Variants in RMC1 observed in about 807,000 individuals in gnomAD.
RMC1 encodes the protein regulator of MON1-CCZ1, also known as regulator of MON1-CCZ1 complex.
RMC1 carries 44 observed loss-of-function variants against 95.5 expected under a neutral mutation model. The observed-to-expected ratio is 0.46, with a 90% CI of 0.36 to 0.59. The LOEUF is 0.59. Ranked by LOEUF, RMC1 falls within the 20% of genes least tolerant of loss-of-function variation. The pLI, the probability that RMC1 is intolerant of heterozygous loss-of-function variation, is 0.00. For missense variants in RMC1, 705 were observed against 819.6 expected, an observed-to-expected ratio of 0.86 and a Z score of 1.71; for synonymous variants, 320 against 303.6, an observed-to-expected ratio of 1.05 and a Z score of -0.56.
intron 5 of RMC1, among the ~76,000 whole-genome samples, chr18:23,510,678 A>G (rs2057830701): frequency 6.6e-6 from 1 of 152,224 alleles, no homozygotes; most frequent in African/African-American, 2.4e-5. Context: ...GGACATGAGC[A>G]GACACTTTTT....
At chr18:23,515,761 G>A in intron 5 of RMC1, 95 bp from the exon 6 acceptor site, 1 of 1,458,682 alleles carries the variant, frequency 6.9e-7, no homozygotes. Context: ...TCGAACTCCT[G>A]ACCTCAGGTG....
intron 15 of RMC1, 155 bp from the exon 16 acceptor site, chr18:23,529,480 T>A: frequency 8.0e-7 from 1 of 1,245,422 alleles, no homozygotes. Context: ...GCATAATTGT[T>A]GACGGGTGGT....
intron 9 of RMC1, 136 bp downstream of exon 9, chr18:23,519,310 G>A (rs2058086548): frequency 2.8e-6 from 2 of 718,350 alleles, no homozygotes; most frequent in African/African-American, 1.8e-5. Context: ...TTGAGCCCAG[G>A]AGTTCGAGAC....
intron 4 of RMC1, 48 bp downstream of exon 4, chr18:23,508,089 C>T: frequency 6.4e-7 from 1 of 1,563,360 alleles, no homozygotes; most frequent in Non-Finnish European, 8.7e-7. Context: ...TGGTGTTGAG[C>T]TGGGTTATGT....
chr18:23,503,591 G>T lies in RMC1; in HGVS notation c.-28G>T, dbSNP rs774947157. The T allele has an allele frequency of 5.2e-5, 79 of 1,530,984 alleles. 1 individual carries two copies. Among genetic ancestry groups the T allele is most frequent in the Non-Finnish European group, 6.6e-5 (75 of 1,136,630 alleles). 94.8% of individuals were successfully genotyped at this position (1,530,984 alleles called of 1,614,324 possible). A position where few individuals can be genotyped will look rare whatever the true frequency, so the allele number is the denominator to read the frequency against. ...GCTCCACTCTGGCGACCGCCCCCGG[G>T]GCCCCCGCCGCGGGCGCGGCGCCCG... On this transcript the variant is annotated 5_prime_UTR_variant, in exon 1 of 20. Coordinates refer to ENST00000269221, the MANE Select transcript of RMC1 (RefSeq NM_013326.5).
At chr18:23,531,532 A>C in intron 19 of RMC1, 93 bp from the exon 20 acceptor site, 1 of 1,528,620 alleles carries the variant, frequency 6.5e-7, no homozygotes, top group South Asian at 1.3e-5. Context: ...AAAGAAAAAT[A>C]AGTTAAAACC....
At chr18:23,516,226 A>C in intron 6 of RMC1, 94 bp from the exon 7 acceptor site, 1 of 1,447,918 alleles carries the variant, frequency 6.9e-7, no homozygotes, top group Non-Finnish European at 9.7e-7. Context: ...CCAAAGACGA[A>C]GTCTGTGTTT....
intron 1 of RMC1, 75 bp downstream of exon 1, chr18:23,503,795 AC>A: frequency 7.8e-7 from 1 of 1,284,044 alleles, no homozygotes; most frequent in Non-Finnish European, 1.0e-6. Context: ...GTCCCGCGCG[AC>A]CAGGCCCGAG....
chr18:23,511,553 T>A (rs1261152478), intron 5 of RMC1, among the ~76,000 whole-genome samples: 1 of 152,120 alleles, frequency 6.6e-6, no homozygotes, highest in African/African-American at 2.4e-5. Flanking sequence ...GATAAATAAT[T>A]ATTATGAACA....
intron 17 of RMC1, 31 bp from the exon 18 acceptor site, chr18:23,530,198 C>T: frequency 1.2e-6 from 2 of 1,613,980 alleles, no homozygotes; most frequent in Middle Eastern, 1.7e-4. Flanking sequence ...GTTATCTTTC[C>T]AACTGAAGTG....
chr18:23,530,100 C>T lies in RMC1; in HGVS notation c.1567C>T (p.Gln523Ter). 1 of 1,614,194 alleles carries T rather than the reference C, an allele frequency of 6.2e-7. No individual in the cohort carries two copies. The highest frequency in any genetic ancestry group is 8.5e-7 in the Non-Finnish European group (1 of 1,180,012). The change falls in exon 17 of 20, where the codon CAG becomes TAG. Residue 523 changes from glutamine (Q) to a stop codon, truncating the protein, a stop_gained. Coordinates refer to ENST00000269221, the MANE Select transcript of RMC1 (RefSeq NM_013326.5). LOFTEE classifies it high-confidence loss of function. Reference sequence around the variant, plus strand: ...CTTTTATATGCTGCATCAGTTCCTGCAGTACCACGTCCTCAGCGACTCCAA... The same window carrying T: ...CTTTTATATGCTGCATCAGTTCCTGTAGTACCACGTCCTCAGCGACTCCAA... ...NLFYMLHQFLQYHVLSDSKPL... is the reference protein window; with the variant it reads ...NLFYMLHQFL
chr18:23,523,316 G>A (rs2058193829), intron 10 of RMC1, among the ~76,000 whole-genome samples: 1 of 152,062 alleles, frequency 6.6e-6, no homozygotes, highest in Non-Finnish European at 1.5e-5. Context: ...ATAACTGGTT[G>A]TTAACGGTCC....
intron 5 of RMC1, among the ~76,000 whole-genome samples, chr18:23,511,952 A>G (rs909819065): frequency 6.6e-6 from 1 of 151,954 alleles, no homozygotes; most frequent in African/African-American, 2.4e-5. Flanking sequence ...TCTGCTTTTC[A>G]TACCTTTAGG....
Position 23,520,198 on chromosome 18 carries a change from C to A in RMC1, c.850-4C>A. ...GGCCTCAGTCTTGTCTTTTTCCCCC[C>A]CAGACATCGGTAATATTCGATATCA... On this transcript the variant is annotated splice_region_variant and splice_polypyrimidine_tract_variant and intron_variant, in intron 9 of 19. Coordinates refer to ENST00000269221, the MANE Select transcript of RMC1 (RefSeq NM_013326.5). 1 of 1,612,000 alleles carries A rather than the reference C, an allele frequency of 6.2e-7. No individual in the cohort carries two copies. The highest frequency in any genetic ancestry group is 1.1e-5 in the South Asian group (1 of 91,020).
intron 9 of RMC1, 127 bp downstream of exon 9, chr18:23,519,301 T>G: frequency 2.6e-6 from 2 of 772,618 alleles, no homozygotes; most frequent in Admixed American, 4.6e-5. Flanking sequence ...ACAGATTGCT[T>G]GAGCCCAGGA....
At chr18:23,510,564 T>A (rs1350051428) in intron 5 of RMC1, among the ~76,000 whole-genome samples, 1 of 152,080 alleles carries the variant, frequency 6.6e-6, no homozygotes, top group Non-Finnish European at 1.5e-5. Context: ...AGGGAATTGC[T>A]TGAACCTGGA....
chr18:23,510,780 A>G (rs1295411359), intron 5 of RMC1, among the ~76,000 whole-genome samples: 3 of 152,382 alleles, frequency 2.0e-5, no homozygotes, highest in East Asian at 1.9e-4. Context: ...ATGAGAAACT[A>G]TCTCACACTA....
chr18:23,509,175 T>C lies in RMC1; in HGVS notation c.322-18T>C. The C allele has an allele frequency of 8.5e-7, 1 of 1,172,346 alleles. No individual in the cohort carries two copies. The highest frequency in any genetic ancestry group is 1.1e-6 in the Non-Finnish European group (1 of 881,154). 72.6% of individuals were successfully genotyped at this position (1,172,346 alleles called of 1,614,324 possible). ...TTTTTCTTATTAATTAAAAATATTT[T>C]TAAAAAATTTTTCTTAGACTAAGAA... On this transcript the variant is annotated intron_variant, in intron 4 of 19. Transcript: ENST00000269221.
At chr18:23,525,512 A>C (rs371690748) in intron 12 of RMC1, among the ~76,000 whole-genome samples, 2 of 150,186 alleles carry the variant, frequency 1.3e-5, no homozygotes, top group African/African-American at 4.9e-5. Flanking sequence ...GCAACCTCCA[A>C]CTCCTGGGTT....
Sources: allele counts gnomAD v4.1 joint callset (sites outside exome capture counted in the v4.1 genomes callset), GRCh38; gene constraint gnomAD v4.1.1; transcripts MANE v1.5; gene names NCBI Gene and HGNC (gene_info 2026-07-23, HGNC 2026-07-21).